Variants in DACH1 observed in about 807,000 individuals in gnomAD.
DACH1 encodes dachshund homolog 1.
Under a neutral mutation model 54.2 loss-of-function variants are expected in DACH1, and 12 were observed. That is an observed-to-expected ratio of 0.22 (90% CI 0.14 to 0.36). The LOEUF is 0.36. Among genes scored for constraint, DACH1 ranks in the 10% least tolerant of loss-of-function variants. The pLI is 1.00. For missense variants in DACH1, 805 were observed against 929.8 expected (o/e 0.87, Z 1.75); for synonymous variants, 386 against 366.2 (o/e 1.05, Z -0.62).
chr13:71,730,045 A>G (rs1380418095), intron 1 of DACH1, among the ~76,000 whole-genome samples: 1 of 152,120 alleles, frequency 6.6e-6, no homozygotes, highest in Non-Finnish European at 1.5e-5. Context: ...TCATGGTACA[A>G]TGAAAGTTGA....
At chr13:71,484,503 G>A (rs891478443) in intron 7 of DACH1, among the ~76,000 whole-genome samples, 3 of 152,042 alleles carry the variant, frequency 2.0e-5, no homozygotes, top group Non-Finnish European at 4.4e-5. Flanking sequence ...TATGTTTTAG[G>A]TCTTTCTTGT....
At chr13:71,779,140 C>CATATATACACATATATACGTATATACGT (rs1566494577) in intron 1 of DACH1, among the ~76,000 whole-genome samples, 1 of 138,272 alleles carries the variant, frequency 7.2e-6, no homozygotes, top group East Asian at 2.0e-4. Context: ...CATATATACA[C>CATATATACACATATATACGTATATACGT]ATATATACAC....
At chr13:71,475,882 A>T (rs756797919) in intron 8 of DACH1, 33 bp from the exon 9 acceptor site, 54 of 1,400,942 alleles carry the variant, frequency 3.9e-5, no homozygotes, top group South Asian at 6.7e-5. Context: ...TATTATTATT[A>T]TTTTTAAATT....
At chr13:71,702,351 T>C (rs1882181869) in intron 1 of DACH1, among the ~76,000 whole-genome samples, 1 of 152,156 alleles carries the variant, frequency 6.6e-6, no homozygotes, top group Non-Finnish European at 1.5e-5. Context: ...CTTGATTAGC[T>C]TGAAGTACTT....
intron 5 of DACH1, among the ~76,000 whole-genome samples, 176 bp from the exon 6 acceptor site, chr13:71,557,334 G>T (rs1219897157): frequency 6.6e-6 from 1 of 151,978 alleles, no homozygotes; most frequent in Non-Finnish European, 1.5e-5. Context: ...TGATAAACAT[G>T]ATAATTTGTC....
intron 1 of DACH1, among the ~76,000 whole-genome samples, chr13:71,835,657 C>T (rs900843037): frequency 6.6e-6 from 1 of 152,006 alleles, no homozygotes; most frequent in Non-Finnish European, 1.5e-5. Context: ...TAGTTTATAC[C>T]TATTGTCCCA....
In DACH1 at chr13:71,601,023, G is replaced by GA. The variant is rs963947256; in HGVS notation, c.1127-28012dup. ...TTTCAATTCAGGTTCCATAATTCCG[G>GA]AAAAAAAAATGCCACTTAAATATTC... On this transcript the variant is annotated intron_variant, in intron 3 of 10. Coordinates refer to ENST00000613252, the MANE Select transcript of DACH1 (RefSeq NM_080759.6). 2.4e-4 allele frequency among the ~76,000 whole-genome samples: 35 copies of GA among 147,262 alleles called. No homozygotes were observed. In the East Asian group the frequency reaches 2.8e-3, roughly 12 times the overall value.
At chr13:71,791,427 C>T (rs974867065) in intron 1 of DACH1, among the ~76,000 whole-genome samples, 4 of 152,080 alleles carry the variant, frequency 2.6e-5, no homozygotes, top group South Asian at 2.1e-4. Flanking sequence ...AAGTGGCAGG[C>T]GGGAGTGCAG....
intron 2 of DACH1, among the ~76,000 whole-genome samples, chr13:71,678,769 T>C (rs1408471832): frequency 1.3e-5 from 2 of 152,176 alleles, no homozygotes; most frequent in Admixed American, 1.3e-4. Context: ...GTGATCCTCC[T>C]GCCTCAACCA....
intron 6 of DACH1, among the ~76,000 whole-genome samples, chr13:71,524,845 T>C (rs1345556210): frequency 6.6e-6 from 1 of 152,078 alleles, no homozygotes; most frequent in Non-Finnish European, 1.5e-5. Context: ...ACAAACCCAT[T>C]TGGAACAGGC....
intron 3 of DACH1, among the ~76,000 whole-genome samples, chr13:71,613,736 G>C (rs1875521903): frequency 6.6e-6 from 1 of 152,190 alleles, no homozygotes; most frequent in East Asian, 1.9e-4. Context: ...TTTTGAGAGA[G>C]GGTCTCCCTC....
At chr13:71,821,489 A>T (rs1374706628) in intron 1 of DACH1, among the ~76,000 whole-genome samples, 1 of 152,068 alleles carries the variant, frequency 6.6e-6, no homozygotes, top group East Asian at 1.9e-4. Flanking sequence ...AAGATTTTAA[A>T]TTTAAAATTT....
intron 10 of DACH1, among the ~76,000 whole-genome samples, chr13:71,450,741 A>G (rs1874963621): frequency 6.6e-6 from 1 of 152,212 alleles, no homozygotes; most frequent in Non-Finnish European, 1.5e-5. Flanking sequence ...GGACGCACAA[A>G]TAACAAAAAG....
chr13:71,561,693 C>T (rs1566342941), intron 4 of DACH1, among the ~76,000 whole-genome samples: 1 of 152,092 alleles, frequency 6.6e-6, no homozygotes, highest in Non-Finnish European at 1.5e-5. Flanking sequence ...AAATCTAATA[C>T]ACTAGGTCTA....
At chr13:71,590,783 G>A (rs903290689) in intron 3 of DACH1, among the ~76,000 whole-genome samples, 3 of 151,138 alleles carry the variant, frequency 2.0e-5, no homozygotes, top group East Asian at 1.9e-4. Flanking sequence ...TTCATTGTCC[G>A]CCTTCCTGAG....
intron 3 of DACH1, among the ~76,000 whole-genome samples, chr13:71,614,721 G>C (rs1875620601): frequency 6.6e-6 from 1 of 151,950 alleles, no homozygotes; most frequent in Non-Finnish European, 1.5e-5. Flanking sequence ...AGGTGTGATG[G>C]TGCATGCCTG....
chr13:71,824,565 G>A (rs1421194506), intron 1 of DACH1, among the ~76,000 whole-genome samples: 1 of 111,220 alleles, frequency 9.0e-6, no homozygotes, highest in Non-Finnish European at 2.5e-5. Flanking sequence ...ATGAATGAGT[G>A]AGAGAGGGAA....
At chr13:71,637,682 AGTGTTTT>A (rs781465085) in intron 2 of DACH1, among the ~76,000 whole-genome samples, 1 of 152,164 alleles carries the variant, frequency 6.6e-6, no homozygotes, top group African/African-American at 2.4e-5. Flanking sequence ...TTTTAAAGAT[AGTGTTTT>A]TCTTCTGCTT....
chr13:71,689,868 T>A (rs1357821117), intron 1 of DACH1, among the ~76,000 whole-genome samples: 1 of 152,176 alleles, frequency 6.6e-6, no homozygotes, highest in Non-Finnish European at 1.5e-5. Flanking sequence ...CCCCTAAAGC[T>A]TCTAAGTCCT....
Sources: allele counts gnomAD v4.1 joint callset (sites outside exome capture counted in the v4.1 genomes callset), GRCh38; gene constraint gnomAD v4.1.1; transcripts MANE v1.5; gene names NCBI Gene and HGNC (gene_info 2026-07-23, HGNC 2026-07-21).